The following GALNTL6 variants were observed in gnomAD, a reference collection of about 807,000 sequenced individuals.
GALNTL6 encodes the protein polypeptide N-acetylgalactosaminyltransferase-like 6.
Under a neutral mutation model 73.7 loss-of-function variants are expected in GALNTL6, and 46 were observed. The ratio of observed to expected loss-of-function variants is 0.62; its 90% CI spans 0.49 to 0.80. The LOEUF (loss-of-function observed/expected upper bound fraction) is 0.80. GALNTL6 is among the 30% of genes least tolerant of loss of function. GALNTL6 has a pLI of 0.00. For missense variants in GALNTL6, 604 were observed against 755.0 expected, an observed-to-expected ratio of 0.80 and a Z score of 2.34; for synonymous variants, 259 against 263.7, an observed-to-expected ratio of 0.98 and a Z score of 0.17.
At chr4:172,773,542 G>A (rs929571099) in intron 5 of GALNTL6, among the ~76,000 whole-genome samples, 5 of 151,426 alleles carry the variant, frequency 3.3e-5, no homozygotes, top group African/African-American at 9.7e-5. Flanking sequence ...ATGGTACTGT[G>A]ACATTGTTTC....
chr4:172,669,562 CAAGTT>C (rs1731857617), intron 5 of GALNTL6, among the ~76,000 whole-genome samples: 1 of 152,098 alleles, frequency 6.6e-6, no homozygotes, highest in Non-Finnish European at 1.5e-5. Flanking sequence ...TTGTTATGGC[CAAGTT>C]AAGTTGTTAC....
intron 10 of GALNTL6, among the ~76,000 whole-genome samples, chr4:172,977,372 T>C (rs924414177): frequency 6.6e-6 from 1 of 152,184 alleles, no homozygotes. Flanking sequence ...TTTCTGTCTT[T>C]CCATAACTGA....
intron 12 of GALNTL6, among the ~76,000 whole-genome samples, chr4:173,032,650 G>A (rs867855271): frequency 7.9e-5 from 12 of 152,020 alleles, no homozygotes; most frequent in Non-Finnish European, 1.3e-4. Context: ...GCGCCACTGT[G>A]CTTCAGCCTG....
chr4:172,179,911 T>G (rs1041905956), intron 2 of GALNTL6, among the ~76,000 whole-genome samples: 4 of 152,222 alleles, frequency 2.6e-5, no homozygotes, highest in African/African-American at 9.7e-5. Flanking sequence ...AACATACATG[T>G]GCATGTGTCT....
chr4:173,001,561 T>C (rs372980502), intron 10 of GALNTL6, among the ~76,000 whole-genome samples: 4 of 152,300 alleles, frequency 2.6e-5, no homozygotes, highest in Middle Eastern at 3.4e-3. Flanking sequence ...AAAGGCACAA[T>C]TGACAGAATG....
intron 8 of GALNTL6, among the ~76,000 whole-genome samples, 189 bp downstream of exon 8, chr4:172,883,096 CATT>C (rs1231137363): frequency 4.6e-5 from 7 of 152,218 alleles, no homozygotes; most frequent in Non-Finnish European, 8.8e-5. Flanking sequence ...GATATACAAT[CATT>C]ATACATATTT....
chr4:172,435,910 C>T (rs1309627300), intron 5 of GALNTL6, among the ~76,000 whole-genome samples: 1 of 152,064 alleles, frequency 6.6e-6, no homozygotes, highest in Non-Finnish European at 1.5e-5. Flanking sequence ...TTTTTATCTA[C>T]TCTGGACATT....
At chr4:172,626,500 T>A (rs2111083835) in intron 5 of GALNTL6, among the ~76,000 whole-genome samples, 1 of 152,254 alleles carries the variant, frequency 6.6e-6, no homozygotes, top group Admixed American at 6.5e-5. Context: ...CAGGTCTTTT[T>A]TTGGTGCCAC....
At chr4:171,885,231 G>A (rs1472815362) in intron 2 of GALNTL6, among the ~76,000 whole-genome samples, 2 of 151,912 alleles carry the variant, frequency 1.3e-5, no homozygotes, top group African/African-American at 2.4e-5. Flanking sequence ...CATTATTCAC[G>A]TTACCTCTTT....
At chr4:172,298,940 T>C (rs570890515) in intron 3 of GALNTL6, among the ~76,000 whole-genome samples, 119 of 152,344 alleles carry the variant, frequency 7.8e-4, no homozygotes, top group Non-Finnish European at 1.5e-3. Context: ...TCAGAAGGAA[T>C]GGTACCAGCT....
intron 3 of GALNTL6, among the ~76,000 whole-genome samples, chr4:172,233,737 C>G (rs545725364): frequency 6.6e-6 from 1 of 152,080 alleles, no homozygotes; most frequent in East Asian, 1.9e-4. Context: ...TTTTTGTTGT[C>G]ATTCTTACAT....
intron 7 of GALNTL6, among the ~76,000 whole-genome samples, chr4:172,834,491 C>A (rs1579544204): frequency 6.6e-6 from 1 of 152,328 alleles, no homozygotes; most frequent in African/African-American, 2.4e-5. Context: ...GAGGGCAGAG[C>A]ACCAAGCTTG....
At chr4:172,177,725 G>GTATA (rs571502567) in intron 2 of GALNTL6, among the ~76,000 whole-genome samples, 2,111 of 94,824 alleles carry the variant, frequency 0.022, 59 homozygotes, top group African/African-American at 0.082. Flanking sequence ...TAGTATGTGT[G>GTATA]TATATATATA....
intron 2 of GALNTL6, among the ~76,000 whole-genome samples, chr4:172,049,709 C>T (rs957038209): frequency 2.0e-5 from 3 of 151,968 alleles, no homozygotes; most frequent in African/African-American, 4.8e-5. Context: ...CTCAGCCTGG[C>T]GCAGCGGCTC....
intron 5 of GALNTL6, among the ~76,000 whole-genome samples, chr4:172,732,390 C>G (rs955945196): frequency 6.6e-6 from 1 of 152,040 alleles, no homozygotes; most frequent in African/African-American, 2.4e-5. Context: ...CACAGAATAC[C>G]TTTTCCATCC....
chr4:171,960,028 T>TA, intron 2 of GALNTL6, among the ~76,000 whole-genome samples: 1 of 152,226 alleles, frequency 6.6e-6, no homozygotes, highest in South Asian at 2.1e-4. Flanking sequence ...CTTCTTACTC[T>TA]ACTCATTATA....
intron 2 of GALNTL6, among the ~76,000 whole-genome samples, chr4:172,132,315 T>C (rs1733519717): frequency 6.6e-6 from 1 of 152,134 alleles, no homozygotes; most frequent in Admixed American, 6.5e-5. Context: ...AATAATATCT[T>C]TGTCATATAT....
chr4:172,244,452 C>T (rs1259075442), intron 3 of GALNTL6, among the ~76,000 whole-genome samples: 1 of 152,084 alleles, frequency 6.6e-6, no homozygotes, highest in Non-Finnish European at 1.5e-5. Flanking sequence ...TTCAATTTAA[C>T]TATTTGTTGC....
At chr4:172,753,795 A>G (rs1737573304) in intron 5 of GALNTL6, among the ~76,000 whole-genome samples, 1 of 152,164 alleles carries the variant, frequency 6.6e-6, no homozygotes, top group African/African-American at 2.4e-5. Flanking sequence ...ATATTGTAAG[A>G]TTTAGTTTGA....
Sources: allele counts gnomAD v4.1 joint callset (sites outside exome capture counted in the v4.1 genomes callset), GRCh38; gene constraint gnomAD v4.1.1; transcripts MANE v1.5; gene names NCBI Gene and HGNC (gene_info 2026-07-23, HGNC 2026-07-21).